FER1L6: variants seen among roughly 807,000 people sequenced by gnomAD.
FER1L6 encodes fer-1 like family member 6.
In FER1L6, 177 loss-of-function variants were observed where a neutral mutation model predicts 219.2. The observed-to-expected ratio is 0.81, with a 90% CI of 0.71 to 0.91. The LOEUF is 0.91. Ranked by LOEUF, FER1L6 falls within the 40% of genes least tolerant of loss-of-function variation. The pLI is 0.00. For missense variants in FER1L6, 2,153 were observed against 2,259.9 expected, an observed-to-expected ratio of 0.95 and a Z score of 0.96; for synonymous variants, 768 against 824.3, an observed-to-expected ratio of 0.93 and a Z score of 1.17.
rs752537718 is a variant in FER1L6, at chr8:124,045,790, G to A, written c.2613G>A (p.Pro871=). ...TTKIISQTLS[P]TWNQMLLFND... is the part of the protein sequence containing the mutation. ...AGATAATCTCCCAGACCCTCTCTCC[G>A]ACCTGGAACCAGATGCTGCTGTTCA... Residue 871 remains proline (P), a synonymous_variant, in exon 21 of 41, where the codon CCG becomes CCA. Transcript: ENST00000522917. The A allele has an allele frequency of 1.2e-5, 19 of 1,613,820 alleles. No homozygotes were observed. Among genetic ancestry groups the A allele is most frequent in the Admixed American group, 1.7e-5 (1 of 59,978 alleles).
intron 18 of FER1L6, among the ~76,000 whole-genome samples, chr8:124,029,600 C>T (rs1405640172): frequency 6.6e-6 from 1 of 152,088 alleles, no homozygotes. Flanking sequence ...CATTTGCCCT[C>T]CTTTTAATGG....
At chr8:123,882,585 G>A (rs1464115685) in intron 1 of FER1L6, among the ~76,000 whole-genome samples, 2 of 152,038 alleles carry the variant, frequency 1.3e-5, no homozygotes, top group Non-Finnish European at 2.9e-5. Flanking sequence ...TGATAGAGTG[G>A]GAGTATCAAA....
At chr8:124,050,974 C>CA (rs1217569898) in intron 22 of FER1L6, among the ~76,000 whole-genome samples, 2 of 152,116 alleles carry the variant, frequency 1.3e-5, no homozygotes, top group East Asian at 1.9e-4. Context: ...AAAAACAAAA[C>CA]AAAAAACATC....
At chr8:124,083,854 C>T (rs1316560904) in intron 33 of FER1L6, among the ~76,000 whole-genome samples, 2 of 152,108 alleles carry the variant, frequency 1.3e-5, no homozygotes, top group Admixed American at 1.3e-4. Context: ...CTGTAGGTTG[C>T]TTTGGGTACT....
chr8:123,969,127 G>T lies in FER1L6; in HGVS notation c.385-908G>T, dbSNP rs544037974. Among the ~76,000 whole-genome samples the T allele has an allele frequency of 2.0e-5, 3 of 152,256 alleles. No homozygotes were observed. In the East Asian group the frequency reaches 5.8e-4, roughly 29 times the overall value. On this transcript the variant is annotated intron_variant, in intron 5 of 40. Coordinates refer to ENST00000522917, the MANE Select transcript of FER1L6 (RefSeq NM_001039112.2). ...GTGTGATAATGTCAAGAGAACTAAG[G>T]TTTGGTCCCAGACCCAACAATAACT... is the stretch of plus-strand genomic sequence containing the variant.
At chr8:124,009,869 G>A (rs1334065102) in intron 13 of FER1L6, among the ~76,000 whole-genome samples, 3 of 144,258 alleles carry the variant, frequency 2.1e-5, no homozygotes, top group Admixed American at 6.8e-5. Flanking sequence ...GAGGAGCAAT[G>A]TTGTTGTAGT....
intron 1 of FER1L6, among the ~76,000 whole-genome samples, chr8:123,896,090 T>G (rs545617772): frequency 6.6e-6 from 1 of 152,202 alleles, no homozygotes; most frequent in Non-Finnish European, 1.5e-5. Flanking sequence ...GCAAGTGCTG[T>G]CCGGGGAAGG....
chr8:123,933,921 T>C (rs1813883444), intron 1 of FER1L6, among the ~76,000 whole-genome samples: 1 of 152,336 alleles, frequency 6.6e-6, no homozygotes, highest in South Asian at 2.1e-4. Context: ...TACCTTGATA[T>C]GGTAGTTAAC....
rs575055747 is a variant in FER1L6 at position 123,996,872 on chromosome 8, T to C, written c.1520-6295T>C. Among the ~76,000 whole-genome samples the C allele has an allele frequency of 5.9e-5, 9 of 152,224 alleles. No homozygotes were observed. In the Middle Eastern group the frequency reaches 0.01, roughly 173 times the overall value. On this transcript the variant is annotated intron_variant, in intron 12 of 40. Transcript: ENST00000522917. ...TAAATTTATGATAACGCTGATTGTATAAAGAAGCAAAAAAAGCAAAGAGAA... is the reference window on the plus strand; with the variant it reads ...TAAATTTATGATAACGCTGATTGTACAAAGAAGCAAAAAAAGCAAAGAGAA...
intron 1 of FER1L6, among the ~76,000 whole-genome samples, chr8:123,955,306 A>G (rs544132533): frequency 6.6e-6 from 1 of 152,284 alleles, no homozygotes; most frequent in African/African-American, 2.4e-5. Context: ...AGGCTTGGAA[A>G]TGGCTTCCTG....
intron 18 of FER1L6, among the ~76,000 whole-genome samples, chr8:124,028,139 C>CAG (rs1215183195): frequency 1.3e-5 from 2 of 152,198 alleles, no homozygotes; most frequent in Admixed American, 6.5e-5. Flanking sequence ...CAAATAAAGT[C>CAG]AGAGGTTAGA....
chr8:124,093,478 T>G (rs1822139570), intron 34 of FER1L6, among the ~76,000 whole-genome samples: 1 of 152,052 alleles, frequency 6.6e-6, no homozygotes, highest in African/African-American at 2.4e-5. Context: ...AGATTTCCTT[T>G]ACCTTGTTAT....
chr8:123,970,681 G>A (rs952650671), intron 6 of FER1L6, among the ~76,000 whole-genome samples: 1 of 152,144 alleles, frequency 6.6e-6, no homozygotes, highest in African/African-American at 2.4e-5. Flanking sequence ...AATTGAGTCT[G>A]CTGCATAGAC....
intron 12 of FER1L6, among the ~76,000 whole-genome samples, chr8:123,991,063 G>C (rs184387430): frequency 6.7e-4 from 102 of 152,234 alleles, no homozygotes; most frequent in African/African-American, 2.4e-3. Flanking sequence ...TGTTCTATTG[G>C]TCTATGTATC....
At chr8:123,907,097 T>C (rs1163401537) in intron 1 of FER1L6, among the ~76,000 whole-genome samples, 1 of 152,198 alleles carries the variant, frequency 6.6e-6, no homozygotes. Flanking sequence ...GGTTGTGCTG[T>C]GTTCCAATAA....
chr8:123,903,054 T>C (rs181272789), intron 1 of FER1L6, among the ~76,000 whole-genome samples: 1 of 151,738 alleles, frequency 6.6e-6, no homozygotes, highest in East Asian at 1.9e-4. Context: ...CCTTCATATA[T>C]GATGCTTAGT....
chr8:124,030,557 G>T (rs1008040953), intron 18 of FER1L6, among the ~76,000 whole-genome samples: 3 of 152,028 alleles, frequency 2.0e-5, no homozygotes, highest in African/African-American at 7.2e-5. Context: ...TGCTCTCAGA[G>T]CCCAGAGGGT....
chr8:124,107,190 C>T (rs1413212979), intron 39 of FER1L6, among the ~76,000 whole-genome samples: 1 of 151,904 alleles, frequency 6.6e-6, no homozygotes. Context: ...CCTTGTGATC[C>T]GCCCGCCTCA....
At chr8:124,000,669 G>T (rs1817365169) in intron 12 of FER1L6, among the ~76,000 whole-genome samples, 1 of 152,178 alleles carries the variant, frequency 6.6e-6, no homozygotes, top group Non-Finnish European at 1.5e-5. Context: ...TACAGTAGAT[G>T]TTATTATGTA....
Sources: allele counts gnomAD v4.1 joint callset (sites outside exome capture counted in the v4.1 genomes callset), GRCh38; gene constraint gnomAD v4.1.1; transcripts MANE v1.5; gene names NCBI Gene and HGNC (gene_info 2026-07-23, HGNC 2026-07-21).